The following DOK5 variants were observed in gnomAD, a reference collection of about 807,000 sequenced individuals.
The protein encoded by DOK5 is downstream of tyrosine kinase 5.
DOK5 carries 27 observed loss-of-function variants against 43.3 expected under a neutral mutation model. That is an observed-to-expected ratio of 0.62 (90% CI 0.46 to 0.86). The LOEUF is 0.86. Ranked by LOEUF, DOK5 falls within the 40% of genes least tolerant of loss-of-function variation. DOK5 has a pLI of 0.00. For synonymous variants in DOK5, 146 were observed against 140.1 expected (o/e 1.04, Z -0.30); for missense variants, 373 against 392.9 (o/e 0.95, Z 0.43).
At chr20:54,575,928 T>C (rs1235903077) in intron 2 of DOK5, among the ~76,000 whole-genome samples, 1 of 152,242 alleles carries the variant, frequency 6.6e-6, no homozygotes, top group Non-Finnish European at 1.5e-5. Flanking sequence ...AAGTAGAGGA[T>C]ACATTAGTGT....
At chr20:54,574,938 A>G (rs1177332670) in intron 2 of DOK5, among the ~76,000 whole-genome samples, 1 of 152,238 alleles carries the variant, frequency 6.6e-6, no homozygotes, top group African/African-American at 2.4e-5. Flanking sequence ...CAAGTGATCA[A>G]GCTGAGCCTC....
chr20:54,610,031 G>A (rs572635005), intron 5 of DOK5, among the ~76,000 whole-genome samples: 28 of 152,164 alleles, frequency 1.8e-4, no homozygotes, highest in Non-Finnish European at 3.2e-4. Context: ...ACTGTACAAA[G>A]GAATACGCTT....
chr20:54,526,538 CA>C (rs1285449609), intron 1 of DOK5, among the ~76,000 whole-genome samples: 1 of 152,144 alleles, frequency 6.6e-6, no homozygotes, highest in African/African-American at 2.4e-5. Flanking sequence ...TTTCTTGCTG[CA>C]GACTCTTGGT....
Position 54,534,479 on chromosome 20 carries a change from C to T in DOK5, c.67-20454C>T, listed in dbSNP as rs1013241079. Among the ~76,000 whole-genome samples, 11 of 152,204 alleles carry T rather than the reference C, an allele frequency of 7.2e-5. 1 individual carries two copies. The highest frequency in any genetic ancestry group is 7.2e-4 in the Admixed American group (11 of 15,276). The stretch of plus-strand genomic sequence containing the variant: ...CTGAGATTACTGGCATGTGCCACTG[C>T]CACATTTCAAATGTGACTCCATAAT... On this transcript the variant is annotated intron_variant, in intron 1 of 7. Coordinates refer to ENST00000262593, the MANE Select transcript of DOK5 (RefSeq NM_018431.5).
intron 5 of DOK5, among the ~76,000 whole-genome samples, chr20:54,607,857 T>G (rs1986519262): frequency 6.6e-6 from 1 of 151,960 alleles, no homozygotes; most frequent in East Asian, 1.9e-4. Context: ...CACTCCAGCC[T>G]GGGCGACAGA....
intron 2 of DOK5, among the ~76,000 whole-genome samples, chr20:54,569,952 A>G (rs940332352): frequency 1.3e-5 from 2 of 152,196 alleles, no homozygotes; most frequent in Admixed American, 6.5e-5. Context: ...GAAAATTTTA[A>G]TAAAAGTGTT....
chr20:54,583,351 A>G (rs531761781), intron 2 of DOK5, among the ~76,000 whole-genome samples: 20 of 152,282 alleles, frequency 1.3e-4, no homozygotes, highest in Middle Eastern at 3.4e-3. Flanking sequence ...CTTAATAAGA[A>G]AGTGTATTCT....
intron 6 of DOK5, among the ~76,000 whole-genome samples, chr20:54,631,700 G>T (rs1323697148): frequency 1.2e-4 from 18 of 152,088 alleles, no homozygotes; most frequent in Admixed American, 1.2e-3. Flanking sequence ...TAGGCCAGGC[G>T]CAGTGGCTCA....
intron 6 of DOK5, among the ~76,000 whole-genome samples, chr20:54,610,878 T>G (rs948385016): frequency 1.3e-5 from 2 of 151,966 alleles, no homozygotes; most frequent in Non-Finnish European, 2.9e-5. Context: ...GAGAGAAAAA[T>G]GTAAATGAAA....
intron 7 of DOK5, among the ~76,000 whole-genome samples, chr20:54,644,715 A>AC (rs1555839815): frequency 1.6e-4 from 12 of 77,312 alleles, no homozygotes; most frequent in African/African-American, 8.9e-4. Flanking sequence ...CAAAAAAAAA[A>AC]AAAAAAAAAC....
chr20:54,609,099 T>G lies in DOK5; in HGVS notation c.600-1289T>G, dbSNP rs183238211. On this transcript the variant is annotated intron_variant, in intron 5 of 7. Coordinates refer to ENST00000262593, the MANE Select transcript of DOK5 (RefSeq NM_018431.5). The stretch of plus-strand genomic sequence containing the variant: ...ATAGAAGGCTGTCATTTGGCTGTGG[T>G]ACTGGGCCAACTGCGAAACATTAGA... 1.3e-3 allele frequency among the ~76,000 whole-genome samples: 193 copies of G among 152,376 alleles called. 1 individual carries two copies. Among genetic ancestry groups the G allele is most frequent in the Non-Finnish European group, 2.2e-3 (149 of 68,042 alleles).
chr20:54,623,888 C>T (rs140441231), intron 6 of DOK5, among the ~76,000 whole-genome samples: 102 of 152,234 alleles, frequency 6.7e-4, no homozygotes, highest in African/African-American at 2.3e-3. Flanking sequence ...CAGTGATTTC[C>T]TTCTTACTTA....
Position 54,545,070 on chromosome 20 carries a change from C to G in DOK5, c.67-9863C>G, listed in dbSNP as rs145694754. On this transcript the variant is annotated intron_variant, in intron 1 of 7. Transcript: ENST00000262593. ...CATTTAACCTATAAACTAAATTTCT[C>G]CCAACGTTAGCTTGGCCCAAGCCCA... Among the ~76,000 whole-genome samples the G allele has an allele frequency of 4.5e-4, 68 of 152,272 alleles. 1 individual carries two copies. Among genetic ancestry groups the G allele is most frequent in the African/African-American group, 1.5e-3 (63 of 41,554 alleles).
chr20:54,483,957 T>C (rs1275694337), intron 1 of DOK5, among the ~76,000 whole-genome samples: 1 of 152,196 alleles, frequency 6.6e-6, no homozygotes, highest in Non-Finnish European at 1.5e-5. Context: ...AGTTGTTAAC[T>C]AGGCTCCAGT....
At chr20:54,537,068 C>T (rs952243009) in intron 1 of DOK5, among the ~76,000 whole-genome samples, 5 of 152,178 alleles carry the variant, frequency 3.3e-5, no homozygotes, top group African/African-American at 4.8e-5. Context: ...CAGTGGAGGC[C>T]GCATGAGCAG....
At chr20:54,621,029 C>A (rs931476628) in intron 6 of DOK5, among the ~76,000 whole-genome samples, 5 of 152,102 alleles carry the variant, frequency 3.3e-5, no homozygotes, top group African/African-American at 1.2e-4. Flanking sequence ...TAGTAATGAC[C>A]ACATGAAGAG....
chr20:54,563,856 C>T lies in DOK5; in HGVS notation c.174+8816C>T, dbSNP rs373725864. Among the ~76,000 whole-genome samples the T allele has an allele frequency of 6.4e-4, 98 of 151,938 alleles. 1 individual carries two copies. In the East Asian group the frequency reaches 7.9e-3, roughly 12 times the overall value. On this transcript the variant is annotated intron_variant, in intron 2 of 7. Coordinates refer to ENST00000262593, the MANE Select transcript of DOK5 (RefSeq NM_018431.5). ...AGAAAGTATAAATTGAATATCTCTC[C>T]GGGTGATTGGCCTGAAAGCTGCCTT...
intron 5 of DOK5, among the ~76,000 whole-genome samples, chr20:54,596,717 C>T (rs1225474188): frequency 6.6e-6 from 1 of 152,122 alleles, no homozygotes; most frequent in Non-Finnish European, 1.5e-5. Flanking sequence ...GGAATAGTGC[C>T]TGAATGTAGT....
chr20:54,546,975 T>C (rs893848924), intron 1 of DOK5, among the ~76,000 whole-genome samples: 10 of 152,126 alleles, frequency 6.6e-5, no homozygotes, highest in Admixed American at 2.6e-4. Context: ...GTGGAATGTA[T>C]AGGGATTCCA....
Sources: allele counts gnomAD v4.1 joint callset (sites outside exome capture counted in the v4.1 genomes callset), GRCh38; gene constraint gnomAD v4.1.1; transcripts MANE v1.5; gene names NCBI Gene and HGNC (gene_info 2026-07-23, HGNC 2026-07-21).